The following TPPP variants were observed in gnomAD, a reference collection of about 807,000 sequenced individuals.
TPPP encodes tubulin polymerization promoting protein.
TPPP carries 6 observed loss-of-function variants against 15.5 expected under a neutral mutation model. The observed-to-expected ratio is 0.39, with a 90% CI of 0.21 to 0.77. The LOEUF is 0.77. TPPP is among the 30% of genes least tolerant of loss of function. The probability of loss-of-function intolerance (pLI) is 0.42; values close to 1 mark genes in which losing one functional copy is unlikely to be tolerated. For missense variants in TPPP, 269 were observed against 307.2 expected, an observed-to-expected ratio of 0.88 and a Z score of 0.93; for synonymous variants, 146 against 133.9, an observed-to-expected ratio of 1.09 and a Z score of -0.63.
At chr5:697,545 C>A (rs1407797709), upstream of TPPP, among the ~76,000 whole-genome samples, 24 of 152,022 alleles carry the variant, frequency 1.6e-4, no homozygotes, top group African/African-American at 5.8e-4. Flanking sequence ...AGGACACACC[C>A]CTCTGGCAAG....
At chr5:666,327 C>CA (rs1350892342) in intron 2 of TPPP, among the ~76,000 whole-genome samples, 1 of 152,232 alleles carries the variant, frequency 6.6e-6, no homozygotes, top group Non-Finnish European at 1.5e-5. Context: ...GCTGGATGCT[C>CA]ACACGGCCCT....
intron 1 of TPPP, among the ~76,000 whole-genome samples, chr5:678,431 C>T (rs1433753075): frequency 1.4e-5 from 2 of 143,894 alleles, no homozygotes; most frequent in Non-Finnish European, 3.0e-5. Context: ...GAGCCTATTC[C>T]GGGTCCCCTC....
rs1739603121 is a variant in TPPP, at chr5:661,439, TC to T, written c.*3662del. ...CTGGTGTCACCCCCGACAGAACCTG[TC>T]CCTGTGTCCTGGTGTCACCCCTGAC... On this transcript the variant is annotated 3_prime_UTR_variant, in exon 4 of 4. Transcript: ENST00000360578. The T allele has an allele frequency of 6.6e-6, 1 of 152,390 alleles. No homozygotes were observed. The highest frequency in any genetic ancestry group is 1.5e-5 in the Non-Finnish European group (1 of 68,094). The allele number at this position is 152,390 out of a possible 1,614,324, so 9.4% of individuals were successfully genotyped here.
chr5:675,486 G>GTGCAGTGTGGCTGGGGT (rs1479295555), intron 2 of TPPP, among the ~76,000 whole-genome samples: 1 of 141,442 alleles, frequency 7.1e-6, no homozygotes, highest in African/African-American at 2.8e-5. Context: ...GTGGCCAGGG[G>GTGCAGTGTGGCTGGGGT]TACATTGTGG....
At chr5:692,652 C>G in intron 1 of TPPP, 4 of 983,356 alleles carry the variant, frequency 4.1e-6, no homozygotes, top group South Asian at 9.5e-5. Context: ...GAAGGTGTCC[C>G]GGCAGCGCCT....
chr5:685,656 G>A (rs1211521313), intron 1 of TPPP, among the ~76,000 whole-genome samples: 1 of 152,206 alleles, frequency 6.6e-6, no homozygotes, highest in Non-Finnish European at 1.5e-5. Flanking sequence ...GGGTCAACAG[G>A]GTGCACCCAG....
intron 1 of TPPP, among the ~76,000 whole-genome samples, chr5:684,367 G>A (rs1561092945): frequency 1.3e-5 from 2 of 152,322 alleles, no homozygotes; most frequent in Non-Finnish European, 2.9e-5. Flanking sequence ...CCACTGCAGG[G>A]CGCCTCCTGG....
intron 1 of TPPP, among the ~76,000 whole-genome samples, chr5:681,186 TC>T (rs1384023292): frequency 6.6e-6 from 1 of 152,166 alleles, no homozygotes; most frequent in Non-Finnish European, 1.5e-5. Flanking sequence ...TTTCCCAGTT[TC>T]TGGGCACAGC....
chr5:675,354 G>A (rs1428178094), intron 2 of TPPP, among the ~76,000 whole-genome samples: 4 of 97,080 alleles, frequency 4.1e-5, no homozygotes, highest in African/African-American at 1.2e-4. Context: ...GGTGCAGTGT[G>A]GGGGTGTGCA....
rs1739596895 is a variant in TPPP at position 661,360 on chromosome 5, T to TGTCCCTCTCTCCTGGTGTCACCCCCGAC, written c.*3741_*3742insGTCGGGGGTGACACCAGGAGAGAGGGAC. On this transcript the variant is annotated 3_prime_UTR_variant, in exon 4 of 4. Transcript: ENST00000360578. ...CCCTCTCTCCTGGTGTCACCCATGA[T>TGTCCCTCTCTCCTGGTGTCACCCCCGAC]AGAACCTGTCCCTGTGTCCTCGTGT... The TGTCCCTCTCTCCTGGTGTCACCCCCGAC allele has an allele frequency of 9.6e-5, 5 of 52,140 alleles. No homozygotes were observed. Among genetic ancestry groups the TGTCCCTCTCTCCTGGTGTCACCCCCGAC allele is most frequent in the Non-Finnish European group, 1.8e-4 (4 of 22,640 alleles). The allele number at this position is 52,140 out of a possible 1,614,324, so 3.2% of individuals were successfully genotyped here. A position where few individuals can be genotyped will look rare whatever the true frequency, so the allele number is the denominator to read the frequency against.
intron 1 of TPPP, among the ~76,000 whole-genome samples, chr5:681,234 C>T (rs1318174769): frequency 6.6e-6 from 1 of 152,184 alleles, no homozygotes; most frequent in African/African-American, 2.4e-5. Context: ...CACACCATTT[C>T]CCCCAGAGGC....
At chr5:688,439 C>T (rs1198578075) in intron 1 of TPPP, among the ~76,000 whole-genome samples, 1 of 151,062 alleles carries the variant, frequency 6.6e-6, no homozygotes. Context: ...GTGCCCACCA[C>T]GTGGCTTCTG....
At chr5:678,560 G>A (rs1404094240) in intron 1 of TPPP, among the ~76,000 whole-genome samples, 1 of 138,966 alleles carries the variant, frequency 7.2e-6, no homozygotes, top group Non-Finnish European at 1.5e-5. Flanking sequence ...AGGGTCCACA[G>A]CAGTCGTGCG....
At position 661,307 on chromosome 5, in the gene TPPP, T is replaced by TCTTGTCACCCCCAACAGAACCTGTC. The variant is rs1431319523; in HGVS notation, c.*3794_*3795insGACAGGTTCTGTTGGGGGTGACAAG. On this transcript the variant is annotated 3_prime_UTR_variant, in exon 4 of 4. Transcript: ENST00000360578. Reference sequence around the variant, plus strand: ...ACCCCCGACAGAACCTGTCCCTGTCTCCTCTTGTCACCCCCAACAGAACCT... The same window carrying TCTTGTCACCCCCAACAGAACCTGTC: ...ACCCCCGACAGAACCTGTCCCTGTCTCTTGTCACCCCCAACAGAACCTGTCCCTCTTGTCACCCCCAACAGAACCT... 37 of 142,178 alleles carry TCTTGTCACCCCCAACAGAACCTGTC rather than the reference T, an allele frequency of 2.6e-4. No individual in the cohort carries two copies. The highest frequency in any genetic ancestry group is 9.3e-4 in the African/African-American group (35 of 37,590). The allele number at this position is 142,178 out of a possible 1,614,324, so 8.8% of individuals were successfully genotyped here.
At chr5:698,921 G>A in the TPPP span, among the ~76,000 whole-genome samples, 116,635 of 151,312 alleles carry the variant, frequency 0.77, 44,466 homozygotes, top group African/African-American at 0.93. Flanking sequence ...CTCATTTATT[G>A]TAGCTACAAA....
At chr5:672,276 C>T (rs1323230162) in intron 2 of TPPP, among the ~76,000 whole-genome samples, 1 of 151,228 alleles carries the variant, frequency 6.6e-6, no homozygotes, top group East Asian at 1.9e-4. Context: ...GGGAGCCTGG[C>T]CCTGCTGTTC....
chr5:677,819 T>C lies in TPPP; in HGVS notation c.242A>G (p.Lys81Arg). The C allele has an allele frequency of 6.2e-7, 1 of 1,610,298 alleles. No homozygotes were observed. Among genetic ancestry groups the C allele is most frequent in the Non-Finnish European group, 8.5e-7 (1 of 1,178,252 alleles). The change falls in exon 2 of 4, where the codon AAG becomes AGG. Residue 81 changes from lysine to arginine, a missense_variant. Physicochemically the swap from Lys to Arg is conservative, Grantham distance 26. Coordinates refer to ENST00000360578, the MANE Select transcript of TPPP (RefSeq NM_007030.3). ...MHGKNWSKLC[K>R]DCQVIDGRNV... ...CCTGCCGTCGATCACCTGGCAGTCC[T>C]TGCACAGCTTCGACCAGTTCTTGCC...
chr5:678,239 G>A (rs1459340875), intron 1 of TPPP, among the ~76,000 whole-genome samples, 175 bp from the exon 2 acceptor site: 4 of 150,198 alleles, frequency 2.7e-5, no homozygotes, highest in East Asian at 1.9e-4. Flanking sequence ...CAGCTGCCCC[G>A]CAGGCACGCA....
intron 2 of TPPP, among the ~76,000 whole-genome samples, chr5:669,973 A>G (rs1003467101): frequency 2.7e-5 from 4 of 146,348 alleles, no homozygotes; most frequent in Non-Finnish European, 6.1e-5. Context: ...CTCATTGCCC[A>G]TGCTCTCCCC....
Sources: allele counts gnomAD v4.1 joint callset (sites outside exome capture counted in the v4.1 genomes callset), GRCh38; gene constraint gnomAD v4.1.1; transcripts MANE v1.5; gene names NCBI Gene and HGNC (gene_info 2026-07-23, HGNC 2026-07-21).